Variants in DCC observed in about 807,000 individuals in gnomAD.
The protein encoded by DCC is netrin receptor DCC.
A neutral mutation model predicts 172.5 loss-of-function variants in DCC; 58 were observed. The observed-to-expected ratio is 0.34, with a 90% CI of 0.27 to 0.42. The LOEUF is 0.42. DCC is among the 10% of genes least tolerant of loss of function. DCC has a pLI of 1.00. For synonymous variants in DCC, 709 were observed against 644.5 expected, an observed-to-expected ratio of 1.10 and a Z score of -1.52; for missense variants, 1,740 against 1,791.0, an observed-to-expected ratio of 0.97 and a Z score of 0.51.
At chr18:53,053,987 T>C (rs2042368907) in intron 5 of DCC, among the ~76,000 whole-genome samples, 1 of 152,128 alleles carries the variant, frequency 6.6e-6, no homozygotes, top group African/African-American at 2.4e-5. Flanking sequence ...AGAAGAGTGG[T>C]CCCTCAGTAT....
Position 53,450,572 on chromosome 18 carries a change from T to A in DCC, c.3302T>A (p.Ile1101Asn). The change falls in exon 23 of 29, where the codon ATC becomes AAC. Residue 1101 changes from isoleucine to asparagine, a missense_variant. Ile to Asn is a moderately radical substitution (Grantham distance 149, BLOSUM62 -3). Coordinates refer to ENST00000442544, the MANE Select transcript of DCC (RefSeq NM_005215.4). Reference sequence around the variant, plus strand: ...CAGAAGAACAGCAACCTGCTTGTGATCATTGTGGTCACCGTTGGTGTCATC... The same window carrying A: ...CAGAAGAACAGCAACCTGCTTGTGAACATTGTGGTCACCGTTGGTGTCATC... ...TPQKNSNLLV[I>N]IVVTVGVITV... 1 of 1,614,000 alleles carries A rather than the reference T, an allele frequency of 6.2e-7. No individual in the cohort carries two copies.
At chr18:52,380,811 C>T (rs377149025) in intron 1 of DCC, among the ~76,000 whole-genome samples, 17 of 152,186 alleles carry the variant, frequency 1.1e-4, no homozygotes, top group African/African-American at 4.1e-4. Context: ...TCTGTCTGTT[C>T]TTTCTCACCT....
chr18:52,504,943 T>C (rs1159270276), intron 1 of DCC, among the ~76,000 whole-genome samples: 1 of 152,156 alleles, frequency 6.6e-6, no homozygotes, highest in East Asian at 1.9e-4. Context: ...TGAATCTCTC[T>C]CAACCTTTTT....
At chr18:52,670,296 G>A (rs2144967318) in intron 1 of DCC, among the ~76,000 whole-genome samples, 1 of 152,272 alleles carries the variant, frequency 6.6e-6, no homozygotes, top group Middle Eastern at 3.4e-3. Flanking sequence ...GAGAATACAG[G>A]AAGGATGTGG....
intron 2 of DCC, among the ~76,000 whole-genome samples, chr18:52,802,842 C>T (rs1733480041): frequency 6.6e-6 from 1 of 151,226 alleles, no homozygotes; most frequent in South Asian, 2.1e-4. Flanking sequence ...TATTGTTGAC[C>T]AGAAACCTTG....
chr18:53,499,157 A>T, intron 26 of DCC, 141 bp from the exon 27 acceptor site: 1 of 800,822 alleles, frequency 1.2e-6, no homozygotes, highest in Non-Finnish European at 2.1e-6. Flanking sequence ...AGGTAGACGA[A>T]TGACAATGTT....
chr18:53,255,261 A>G (rs2056491509), intron 12 of DCC, among the ~76,000 whole-genome samples: 1 of 151,672 alleles, frequency 6.6e-6, no homozygotes, highest in South Asian at 2.1e-4. Flanking sequence ...CATGTGCACA[A>G]CATGCAGGTT....
At chr18:52,365,660 T>C (rs117331213) in intron 1 of DCC, among the ~76,000 whole-genome samples, 1,532 of 152,300 alleles carry the variant, frequency 0.01, 18 homozygotes, top group South Asian at 0.037. Flanking sequence ...TTCTCCACTG[T>C]AGTCAGATAT....
At chr18:53,378,908 G>T (rs1197008227) in intron 15 of DCC, among the ~76,000 whole-genome samples, 1 of 152,136 alleles carries the variant, frequency 6.6e-6, no homozygotes, top group Admixed American at 6.5e-5. Flanking sequence ...ATCTTTATCA[G>T]GATGCCATTA....
chr18:52,792,839 C>CATTCT (rs576750234), intron 2 of DCC, among the ~76,000 whole-genome samples: 6,443 of 144,162 alleles, frequency 0.045, 205 homozygotes, highest in South Asian at 0.17. Flanking sequence ...CATTCTATTC[C>CATTCT]ATTCCATTCC....
intron 28 of DCC, among the ~76,000 whole-genome samples, chr18:53,529,003 TTCTCTCTC>T (rs144580817): frequency 1.3e-3 from 128 of 101,068 alleles, no homozygotes; most frequent in African/African-American, 3.9e-3. Flanking sequence ...TCACTTCAAC[TTCTCTCTC>T]TCTCTCTCTC....
chr18:52,390,986 T>C (rs1441841387), intron 1 of DCC, among the ~76,000 whole-genome samples: 2 of 152,112 alleles, frequency 1.3e-5, no homozygotes, highest in South Asian at 2.1e-4. Context: ...TTCACATCTA[T>C]GTAAGGGTAG....
chr18:52,876,611 C>T (rs1278701011), intron 2 of DCC, among the ~76,000 whole-genome samples: 2 of 152,188 alleles, frequency 1.3e-5, no homozygotes, highest in Non-Finnish European at 2.9e-5. Flanking sequence ...GTTAATTCTG[C>T]ATTGTAATGG....
chr18:52,948,038 T>C (rs1367470630), intron 5 of DCC, among the ~76,000 whole-genome samples: 1 of 152,180 alleles, frequency 6.6e-6, no homozygotes, highest in African/African-American at 2.4e-5. Context: ...GAAAGATGTA[T>C]ATCTCTGTTG....
At chr18:53,519,492 C>A (rs2046375420) in intron 27 of DCC, among the ~76,000 whole-genome samples, 1 of 151,572 alleles carries the variant, frequency 6.6e-6, no homozygotes, top group South Asian at 2.1e-4. Flanking sequence ...CTAGCTCCCA[C>A]CCAGCCTTGA....
intron 5 of DCC, among the ~76,000 whole-genome samples, chr18:52,956,703 A>C (rs779762719): frequency 2.6e-5 from 4 of 152,166 alleles, no homozygotes; most frequent in Non-Finnish European, 5.9e-5. Flanking sequence ...TTACGTCTTC[A>C]CACAATCAGT....
intron 13 of DCC, among the ~76,000 whole-genome samples, chr18:53,318,019 C>G (rs138241425): frequency 0.019 from 2,953 of 152,114 alleles, 103 homozygotes; most frequent in African/African-American, 0.067. Context: ...TTGTCTTCTG[C>G]TAGCTTTTGA....
At chr18:52,993,836 A>C (rs1297964500) in intron 5 of DCC, among the ~76,000 whole-genome samples, 3 of 151,786 alleles carry the variant, frequency 2.0e-5, no homozygotes, top group Non-Finnish European at 4.4e-5. Flanking sequence ...TTCATGTTAC[A>C]TATCTGAGGG....
intron 5 of DCC, among the ~76,000 whole-genome samples, chr18:53,022,978 A>T (rs2041902291): frequency 6.6e-6 from 1 of 152,128 alleles, no homozygotes; most frequent in Non-Finnish European, 1.5e-5. Context: ...GAGTATTAAT[A>T]CCACACAAAT....
Sources: gnomAD v4.1 joint callset for allele counts (sites outside exome capture counted in the v4.1 genomes callset) on GRCh38, gnomAD v4.1.1 for gene constraint, MANE v1.5 for transcripts, NCBI Gene and HGNC (gene_info 2026-07-23, HGNC 2026-07-21) for gene names.